Variants in GRIN2B observed in about 807,000 individuals in gnomAD.
GRIN2B encodes the protein glutamate receptor ionotropic, NMDA 2B.
GRIN2B carries 5 observed loss-of-function variants against 114.5 expected under a neutral mutation model. The observed-to-expected ratio is 0.04, with a 90% confidence interval of 0.02 to 0.09. GRIN2B has a LOEUF of 0.09. Ranked by LOEUF, GRIN2B falls within the 10% of genes least tolerant of loss-of-function variation. GRIN2B has a pLI of 1.00. For missense variants in GRIN2B, 1,108 were observed against 1,943.5 expected (o/e 0.57, Z 8.08); for synonymous variants, 787 against 745.1 (o/e 1.06, Z -0.92).
chr12:13,966,424 G>C (rs781763253), intron 2 of GRIN2B, among the ~76,000 whole-genome samples: 29 of 152,098 alleles, frequency 1.9e-4, no homozygotes, highest in Non-Finnish European at 3.2e-4. Context: ...TCAGTTCATG[G>C]TGACTTTGTC....
At chr12:13,580,852 T>TA (rs1367858967) in intron 10 of GRIN2B, among the ~76,000 whole-genome samples, 7 of 152,212 alleles carry the variant, frequency 4.6e-5, no homozygotes, top group Non-Finnish European at 1.0e-4. Context: ...CCTTTGCTCT[T>TA]AACCTCCAGC....
intron 3 of GRIN2B, among the ~76,000 whole-genome samples, chr12:13,767,080 C>G (rs948120258): frequency 6.6e-6 from 1 of 152,008 alleles, no homozygotes; most frequent in Non-Finnish European, 1.5e-5. Context: ...CACCGTGAAA[C>G]CCCGTCTCTA....
intron 2 of GRIN2B, among the ~76,000 whole-genome samples, chr12:13,873,509 G>C (rs1359620822): frequency 6.6e-6 from 1 of 152,172 alleles, no homozygotes; most frequent in Admixed American, 6.5e-5. Context: ...ACCAATCTTT[G>C]ATTTGAATTG....
chr12:13,971,703 A>G (rs189106791), intron 2 of GRIN2B, among the ~76,000 whole-genome samples: 1 of 152,322 alleles, frequency 6.6e-6, no homozygotes. Flanking sequence ...CCGAAACAAG[A>G]AATGGGGCAC....
chr12:13,615,651 C>T lies in GRIN2B; in HGVS notation c.1342G>A (p.Glu448Lys), dbSNP rs747880300. ...CATTTTTTGATGTAACCCGGCTCCT[C>T]GTCTGTTTTATTCCTAGCCAATTAA... ...KRIVTENKTD[E>K]EPGYIKKCCK... Residue 448 changes from glutamate (E) to lysine (K), a missense_variant, in exon 7 of 14, where the codon GAG becomes AAG. Physicochemically the swap from Glu to Lys is moderately conservative, Grantham distance 56. Coordinates refer to ENST00000609686, the MANE Select transcript of GRIN2B (RefSeq NM_000834.5). The surrounding 1 kb of genome is among the most constrained non-coding windows in gnomAD (Gnocchi z 5.8). The T allele has an allele frequency of 4.3e-6, 7 of 1,613,128 alleles. No homozygotes were observed. The highest frequency in any genetic ancestry group is 1.1e-5 in the South Asian group (1 of 91,046).
At chr12:13,745,209 T>C (rs1863357763) in intron 4 of GRIN2B, among the ~76,000 whole-genome samples, 1 of 152,126 alleles carries the variant, frequency 6.6e-6, no homozygotes, top group Non-Finnish European at 1.5e-5. Context: ...AGGCTTCCAG[T>C]CCATGTCTGT....
intron 2 of GRIN2B, among the ~76,000 whole-genome samples, chr12:13,872,762 G>A (rs1452401846): frequency 6.6e-6 from 1 of 152,126 alleles, no homozygotes; most frequent in Non-Finnish European, 1.5e-5. Context: ...CCTTTACCTG[G>A]TGGGTACATC....
chr12:13,756,114 T>C (rs1863571280), intron 3 of GRIN2B, among the ~76,000 whole-genome samples: 1 of 152,036 alleles, frequency 6.6e-6, no homozygotes, highest in Non-Finnish European at 1.5e-5. Context: ...ACCTCCCGGG[T>C]TCAAGCACTC....
At chr12:13,857,637 AG>A (rs1865685344) in intron 3 of GRIN2B, among the ~76,000 whole-genome samples, 3 of 152,210 alleles carry the variant, frequency 2.0e-5, no homozygotes, top group African/African-American at 4.8e-5. Flanking sequence ...TGATTCCTAC[AG>A]GCATTGGTTG....
intron 4 of GRIN2B, among the ~76,000 whole-genome samples, chr12:13,717,064 C>CGTGTGT (rs1555125918): frequency 1.6e-5 from 1 of 61,892 alleles, no homozygotes; most frequent in Non-Finnish European, 3.2e-5. Context: ...TCATGCCATA[C>CGTGTGT]GCGTGTGTGT....
chr12:13,775,768 T>G (rs533282973), intron 3 of GRIN2B, among the ~76,000 whole-genome samples: 1 of 152,304 alleles, frequency 6.6e-6, no homozygotes, highest in Non-Finnish European at 1.5e-5. Context: ...GATATGTCAT[T>G]GTTGTTTTAA....
chr12:13,736,010 T>C (rs551661963), intron 4 of GRIN2B, among the ~76,000 whole-genome samples: 3 of 152,152 alleles, frequency 2.0e-5, no homozygotes, highest in East Asian at 1.9e-4. Flanking sequence ...CAAGGCTGAA[T>C]TGAATGCTGG....
intron 4 of GRIN2B, among the ~76,000 whole-genome samples, chr12:13,725,076 T>C (rs1591697878): frequency 6.6e-6 from 1 of 152,238 alleles, no homozygotes; most frequent in East Asian, 1.9e-4. Flanking sequence ...TTGCAAACTC[T>C]TGTGCTCTGT....
chr12:13,971,377 G>A (rs1040997423), intron 2 of GRIN2B, among the ~76,000 whole-genome samples: 2 of 152,098 alleles, frequency 1.3e-5, no homozygotes, highest in African/African-American at 4.8e-5. Flanking sequence ...TTTAAAACAG[G>A]GAAGAGAGTA....
At chr12:13,590,269 C>T (rs570002150) in intron 10 of GRIN2B, among the ~76,000 whole-genome samples, 3 of 152,130 alleles carry the variant, frequency 2.0e-5, no homozygotes, top group South Asian at 2.1e-4. Flanking sequence ...ATGTGTAGAA[C>T]GTGCAGGTTT....
At chr12:13,590,726 T>A (rs914931059) in intron 10 of GRIN2B, among the ~76,000 whole-genome samples, 5 of 152,190 alleles carry the variant, frequency 3.3e-5, no homozygotes, top group African/African-American at 1.2e-4. Context: ...CATGTGTCTT[T>A]ATAGTAGAAT....
At chr12:13,800,265 A>G (rs536924952) in intron 3 of GRIN2B, among the ~76,000 whole-genome samples, 13 of 152,236 alleles carry the variant, frequency 8.5e-5, no homozygotes, top group South Asian at 4.2e-4. Context: ...GTTTGGGCAT[A>G]GTGTTTCTTA....
intron 5 of GRIN2B, among the ~76,000 whole-genome samples, chr12:13,659,726 C>T (rs1205017287): frequency 6.6e-6 from 1 of 152,152 alleles, no homozygotes; most frequent in Non-Finnish European, 1.5e-5. Context: ...TTACTCACCT[C>T]TAAAACCTTC....
chr12:13,587,124 A>C (rs1948937793), intron 10 of GRIN2B, among the ~76,000 whole-genome samples: 1 of 152,106 alleles, frequency 6.6e-6, no homozygotes, highest in South Asian at 2.1e-4. Context: ...ACAACATATA[A>C]ATTCTATTAA....
Sources: allele counts gnomAD v4.1 joint callset (sites outside exome capture counted in the v4.1 genomes callset), GRCh38; gene constraint gnomAD v4.1.1; non-coding constraint Gnocchi (gnomAD v3.1); transcripts MANE v1.5; gene names NCBI Gene and HGNC (gene_info 2026-07-23, HGNC 2026-07-21).